Variants in DAB1 observed in about 807,000 individuals in gnomAD.
DAB1 encodes the protein DAB adaptor protein 1.
DAB1 carries 15 observed loss-of-function variants against 64.6 expected under a neutral mutation model. The observed-to-expected ratio is 0.23, with a 90% CI of 0.16 to 0.36. DAB1 has a LOEUF of 0.36. Among genes scored for constraint, DAB1 ranks in the 10% least tolerant of loss-of-function variants. DAB1 has a pLI of 1.00. For missense variants in DAB1, 596 were observed against 706.7 expected, an observed-to-expected ratio of 0.84 and a Z score of 1.78; for synonymous variants, 235 against 251.9, an observed-to-expected ratio of 0.93 and a Z score of 0.64.
chr1:58,217,143 T>TC (rs1658898844), intron 4 of DAB1, among the ~76,000 whole-genome samples: 1 of 152,196 alleles, frequency 6.6e-6, no homozygotes, highest in East Asian at 1.9e-4. Context: ...ATACATTAAT[T>TC]CCCCAAATAG....
At chr1:58,363,937 T>A (rs1644191839) in intron 3 of DAB1, among the ~76,000 whole-genome samples, 1 of 152,220 alleles carries the variant, frequency 6.6e-6, no homozygotes, top group South Asian at 2.1e-4. Context: ...ATTAGGTTGG[T>A]GCAACATATT....
rs115582662 is a variant in DAB1, at chr1:58,146,036, C to A, written n.387+4475G>T. Among the ~76,000 whole-genome samples, 1,021 of 152,274 alleles carry A rather than the reference C, an allele frequency of 6.7e-3. 12 individuals carry two copies. Among genetic ancestry groups the A allele is most frequent in the African/African-American group, 0.024 (991 of 41,542 alleles). On this transcript the variant is annotated intron_variant and non_coding_transcript_variant, in intron 5 of 20. Transcript: ENST00000485760. ...ATGAACAGTAAACATATTTTCTCTTCCTTGTAATTTTCTTAATAACATTAT... is the reference window on the plus strand; with the variant it reads ...ATGAACAGTAAACATATTTTCTCTTACTTGTAATTTTCTTAATAACATTAT...
chr1:57,297,173 G>A (rs543799260), intron 1 of DAB1, among the ~76,000 whole-genome samples: 1 of 152,140 alleles, frequency 6.6e-6, no homozygotes, highest in East Asian at 1.9e-4. Context: ...AAGACAAAGA[G>A]AAGCTGTGGA....
At chr1:57,795,708 T>G (rs1199970585) in intron 6 of DAB1, among the ~76,000 whole-genome samples, 1 of 129,492 alleles carries the variant, frequency 7.7e-6, no homozygotes, top group African/African-American at 2.9e-5. Flanking sequence ...TATATATATA[T>G]ATATATATAT....
chr1:58,254,441 G>A (rs1304073795), intron 4 of DAB1, among the ~76,000 whole-genome samples: 2 of 135,566 alleles, frequency 1.5e-5, no homozygotes, highest in Non-Finnish European at 3.1e-5. Context: ...TGTGCACATT[G>A]TGCAGGTTAG....
intron 4 of DAB1, among the ~76,000 whole-genome samples, chr1:58,254,975 C>T (rs1453047382): frequency 1.4e-5 from 1 of 70,092 alleles, no homozygotes; most frequent in African/African-American, 7.4e-5. Context: ...GGAATCGCCA[C>T]ACTGACTTCC....
intron 6 of DAB1, among the ~76,000 whole-genome samples, chr1:57,769,779 G>C (rs902692181): frequency 6.6e-6 from 1 of 152,130 alleles, no homozygotes; most frequent in Admixed American, 6.5e-5. Context: ...CCCGTTTTGG[G>C]GTGTTTTAGA....
intron 1 of DAB1, among the ~76,000 whole-genome samples, chr1:57,357,937 T>C (rs1679252666): frequency 6.6e-6 from 1 of 151,948 alleles, no homozygotes; most frequent in Admixed American, 6.6e-5. Context: ...AAGATTTGGG[T>C]GGAGACACAG....
At chr1:58,449,174 C>G (rs565038849) in intron 3 of DAB1, among the ~76,000 whole-genome samples, 1 of 152,154 alleles carries the variant, frequency 6.6e-6, no homozygotes, top group Non-Finnish European at 1.5e-5. Context: ...CTGCACGTAT[C>G]GCGGGAATGA....
At chr1:57,653,699 G>A (rs1029106011) in intron 6 of DAB1, among the ~76,000 whole-genome samples, 1 of 152,026 alleles carries the variant, frequency 6.6e-6, no homozygotes. Flanking sequence ...TGCAACCTCT[G>A]CCTCCCCAGC....
intron 3 of DAB1, among the ~76,000 whole-genome samples, chr1:58,436,518 TCTCA>T (rs201883403): frequency 0.01 from 1,544 of 152,256 alleles, 28 homozygotes; most frequent in African/African-American, 0.036. Context: ...ATTCCCCACC[TCTCA>T]CTCCATGCCA....
chr1:57,984,174 TAGCTTAA>T (rs568234113), intron 5 of DAB1, among the ~76,000 whole-genome samples: 1 of 103,742 alleles, frequency 9.6e-6, no homozygotes, highest in East Asian at 3.2e-4. Context: ...GGCCCAGGAC[TAGCTTAA>T]AAAAAAGAAA....
At chr1:58,407,971 C>T (rs191508700) in intron 3 of DAB1, among the ~76,000 whole-genome samples, 2 of 152,248 alleles carry the variant, frequency 1.3e-5, no homozygotes, top group East Asian at 3.9e-4. Flanking sequence ...TACTACTTGC[C>T]TCCTCACTCA....
At chr1:58,059,809 G>A (rs1460517779) in intron 5 of DAB1, among the ~76,000 whole-genome samples, 2 of 152,120 alleles carry the variant, frequency 1.3e-5, no homozygotes, top group African/African-American at 2.4e-5. Context: ...AAGTCACAGC[G>A]AGGCTAAGCA....
At chr1:57,191,178 G>T (rs1449710897) in intron 2 of DAB1, among the ~76,000 whole-genome samples, 3 of 152,102 alleles carry the variant, frequency 2.0e-5, no homozygotes, top group Admixed American at 6.6e-5. Context: ...TTGCAAATAG[G>T]TGTTCTTCAT....
At chr1:57,614,766 T>TG (rs1321754815) in intron 7 of DAB1, among the ~76,000 whole-genome samples, 2 of 152,140 alleles carry the variant, frequency 1.3e-5, no homozygotes, top group Non-Finnish European at 2.9e-5. Flanking sequence ...ACCACTGGTT[T>TG]GGGGCATTTT....
intron 4 of DAB1, among the ~76,000 whole-genome samples, chr1:58,341,012 T>C (rs1643925253): frequency 6.6e-6 from 1 of 150,876 alleles, no homozygotes; most frequent in African/African-American, 2.4e-5. Flanking sequence ...TGGATGCCAG[T>C]ATCTTTTTCT....
At chr1:58,162,215 G>A (rs1655576300) in intron 4 of DAB1, among the ~76,000 whole-genome samples, 1 of 152,132 alleles carries the variant, frequency 6.6e-6, no homozygotes, top group Non-Finnish European at 1.5e-5. Context: ...CATGCCAAAG[G>A]ACAGTGCTAT....
intron 7 of DAB1, among the ~76,000 whole-genome samples, chr1:57,582,396 G>A (rs1009252868): frequency 6.6e-6 from 1 of 152,106 alleles, no homozygotes; most frequent in East Asian, 1.9e-4. Flanking sequence ...GGAGAAATCC[G>A]CTCCCATGAT....
Sources: gnomAD v4.1 joint callset for allele counts (sites outside exome capture counted in the v4.1 genomes callset) on GRCh38, gnomAD v4.1.1 for gene constraint, MANE v1.5 for transcripts, NCBI Gene and HGNC (gene_info 2026-07-23, HGNC 2026-07-21) for gene names.